The following DEDD2 variants were observed in gnomAD, a reference collection of about 807,000 sequenced individuals.
The protein encoded by DEDD2 is death effector domain containing 2.
DEDD2 carries 18 observed loss-of-function variants against 28.9 expected under a neutral mutation model. The ratio of observed to expected loss-of-function variants is 0.62; its 90% CI spans 0.43 to 0.92. DEDD2 has a LOEUF of 0.92. Ranked by LOEUF, DEDD2 falls within the 40% of genes least tolerant of loss-of-function variation. DEDD2 has a pLI of 0.00. For missense variants in DEDD2, 411 were observed against 463.3 expected (o/e 0.89, Z 1.04); for synonymous variants, 211 against 206.1 (o/e 1.02, Z -0.20).
At chr19:42,218,064 C>T (rs934784365), upstream of DEDD2, among the ~76,000 whole-genome samples, 4 of 152,154 alleles carry the variant, frequency 2.6e-5, no homozygotes, top group South Asian at 4.1e-4. Flanking sequence ...CCCCTAGTTG[C>T]CCGTGGCAAA....
At chr19:42,214,225 G>C (rs2035875836) in intron 3 of DEDD2, among the ~76,000 whole-genome samples, 1 of 152,206 alleles carries the variant, frequency 6.6e-6, no homozygotes, top group Non-Finnish European at 1.5e-5. Context: ...GGAGGCCCAG[G>C]TGGGCAGATC....
intron 2 of DEDD2, among the ~76,000 whole-genome samples, chr19:42,215,514 T>C (rs746365513): frequency 3.0e-4 from 45 of 152,218 alleles, no homozygotes; most frequent in Non-Finnish European, 5.3e-4. Flanking sequence ...TAAGGGTCCC[T>C]GTAATGGCCC....
rs1385819514 is a variant in DEDD2, at chr19:42,209,745, G to A, written c.544C>T (p.Gln182Ter). 2 of 1,606,916 alleles carry A rather than the reference G, an allele frequency of 1.2e-6. No homozygotes were observed. The change falls in exon 4 of 5, where the codon CAG (glutamine) becomes TAG (stop). Residue 182 changes from glutamine (Q) to a stop codon, truncating the protein, a stop_gained. Transcript: ENST00000596251. LOFTEE classifies it high-confidence loss of function. ...GAGGAAGGTCTGGCGGGCTCTGACTGCTGCTGGGGTGCGGCTGGGGCCCCT... is the reference window on the plus strand; with the variant it reads ...GAGGAAGGTCTGGCGGGCTCTGACTACTGCTGGGGTGCGGCTGGGGCCCCT... ...RRGAPAAPQQ[Q>*]SEPARPSSEG...
Position 42,205,021 on chromosome 19 carries a change from T to C in DEDD2, c.589+4679A>G, listed in dbSNP as rs928629216. ...GCACAACACACCCTCAGAAGCGGGA[T>C]TGAGGAAAACAAAACATCAAACCAG... On this transcript the variant is annotated intron_variant, in intron 4 of 4. Coordinates refer to ENST00000596251, the MANE Select transcript of DEDD2 (RefSeq NM_133328.4). Among the ~76,000 whole-genome samples, 19 of 152,146 alleles carry C rather than the reference T, an allele frequency of 1.2e-4. No individual in the cohort carries two copies. The East Asian group carries it at 1.5e-3, about 12-fold the overall frequency.
chr19:42,200,059 G>GCACAA (rs1388605077), intron 4 of DEDD2, among the ~76,000 whole-genome samples: 2 of 152,124 alleles, frequency 1.3e-5, no homozygotes, highest in African/African-American at 4.8e-5. Context: ...CGCCAGGGGT[G>GCACAA]CTCTTTCCCT....
At chr19:42,208,846 G>A (rs1409558248) in intron 4 of DEDD2, among the ~76,000 whole-genome samples, 15 of 152,244 alleles carry the variant, frequency 9.9e-5, no homozygotes, top group Admixed American at 6.5e-5. Context: ...AGCGTGTGCC[G>A]GGTTGGGCAC....
intron 1 of DEDD2, 87 bp from the exon 2 acceptor site, chr19:42,217,132 C>A (rs1456865147): frequency 5.5e-6 from 6 of 1,093,868 alleles, no homozygotes; most frequent in Non-Finnish European, 6.6e-6. Flanking sequence ...CCCGCCCAAT[C>A]GCGCCGGGCA....
upstream of DEDD2, chr19:42,217,750 G>C (rs1486632630): frequency 6.6e-6 from 1 of 152,400 alleles, no homozygotes; most frequent in Admixed American, 6.5e-5. Context: ...CCCCCAACTC[G>C]CGCAGGTGCG....
intron 4 of DEDD2, among the ~76,000 whole-genome samples, chr19:42,200,889 A>C (rs561679529): frequency 1.3e-4 from 20 of 152,280 alleles, no homozygotes; most frequent in African/African-American, 4.8e-4. Flanking sequence ...TGTAATCATG[A>C]ACTTCACATA....
intron 3 of DEDD2, among the ~76,000 whole-genome samples, chr19:42,214,066 A>T (rs970033589): frequency 2.1e-4 from 32 of 152,236 alleles, no homozygotes; most frequent in Non-Finnish European, 7.3e-5. Context: ...ATACACATAA[A>T]GCAAAAGTAG....
At chr19:42,215,346 C>T in intron 2 of DEDD2, 94 bp from the exon 3 acceptor site, 1 of 1,523,604 alleles carries the variant, frequency 6.6e-7, no homozygotes, top group South Asian at 1.2e-5. Context: ...GCCTAAGTTC[C>T]CCAGTAGTCA....
intron 3 of DEDD2, among the ~76,000 whole-genome samples, chr19:42,214,518 T>C (rs1002335329): frequency 6.6e-6 from 1 of 151,940 alleles, no homozygotes; most frequent in East Asian, 1.9e-4. Flanking sequence ...ATCCAGCACT[T>C]TGGGAGGCTG....
intron 3 of DEDD2, among the ~76,000 whole-genome samples, chr19:42,212,172 C>A (rs1226489895): frequency 6.6e-6 from 1 of 151,922 alleles, no homozygotes; most frequent in Non-Finnish European, 1.5e-5. Flanking sequence ...TCGAGACTAG[C>A]CTGGCCAACA....
At chr19:42,210,645 C>T (rs143450113) in intron 3 of DEDD2, among the ~76,000 whole-genome samples, 5,533 of 152,146 alleles carry the variant, frequency 0.036, 129 homozygotes, top group Non-Finnish European at 0.058. Flanking sequence ...CCACCCGCCT[C>T]GGCCTCCCAA....
chr19:42,213,387 G>A (rs1211366051), intron 3 of DEDD2, among the ~76,000 whole-genome samples: 2 of 152,152 alleles, frequency 1.3e-5, no homozygotes, highest in East Asian at 3.8e-4. Context: ...TAGGGAACAG[G>A]ATATGCCAAA....
At chr19:42,216,606 G>A (rs575466353) in intron 2 of DEDD2, 74 bp downstream of exon 2, 94 of 1,431,626 alleles carry the variant, frequency 6.6e-5, no homozygotes, top group Middle Eastern at 1.8e-4. Context: ...GTCCGTATCA[G>A]GGCACCAGGG....
At chr19:42,219,327 G>A (rs994353949), upstream of DEDD2, among the ~76,000 whole-genome samples, 3 of 151,490 alleles carry the variant, frequency 2.0e-5, no homozygotes, top group Non-Finnish European at 4.4e-5. Context: ...AAGACCGGAC[G>A]CGGTGGTTCA....
At chr19:42,210,243 A>G (rs1239162522) in intron 3 of DEDD2, among the ~76,000 whole-genome samples, 2 of 152,216 alleles carry the variant, frequency 1.3e-5, no homozygotes, top group Admixed American at 6.5e-5. Flanking sequence ...AAGATACAAA[A>G]TAAGTGTCTA....
At chr19:42,207,129 T>TCAC (rs564925180) in intron 4 of DEDD2, among the ~76,000 whole-genome samples, 375 of 151,500 alleles carry the variant, frequency 2.5e-3, no homozygotes, top group Non-Finnish European at 3.0e-3. Flanking sequence ...CGAGGGGGAG[T>TCAC]CACCACCAGG....
Sources: gnomAD v4.1 joint callset for allele counts (sites outside exome capture counted in the v4.1 genomes callset) on GRCh38, gnomAD v4.1.1 for gene constraint, MANE v1.5 for transcripts, NCBI Gene and HGNC (gene_info 2026-07-23, HGNC 2026-07-21) for gene names.